Variants in HOMER2 observed in about 807,000 individuals in gnomAD.
The protein encoded by HOMER2 is homer protein homolog 2.
In HOMER2, 27 loss-of-function variants were observed where a neutral mutation model predicts 47.0. The ratio of observed to expected loss-of-function variants is 0.57; its 90% confidence interval spans 0.42 to 0.79. The LOEUF is 0.79. Among genes scored for constraint, HOMER2 ranks in the 30% least tolerant of loss-of-function variants. HOMER2 has a pLI of 0.00. For synonymous variants in HOMER2, 161 were observed against 163.8 expected (o/e 0.98, Z 0.13); for missense variants, 443 against 435.0 (o/e 1.02, Z -0.16).
intron 1 of HOMER2, among the ~76,000 whole-genome samples, chr15:82,927,838 T>C (rs1400300389): frequency 6.6e-6 from 1 of 151,860 alleles, no homozygotes; most frequent in Non-Finnish European, 1.5e-5. Context: ...GGCATAGTAG[T>C]GCATGCCTGT....
chr15:82,910,532 A>G (rs2053422381), intron 1 of HOMER2, among the ~76,000 whole-genome samples: 1 of 152,230 alleles, frequency 6.6e-6, no homozygotes, highest in South Asian at 2.1e-4. Flanking sequence ...AATGTCAGCA[A>G]GGGTTGCACA....
downstream of HOMER2, chr15:82,848,972 C>G (rs2051297833): frequency 6.6e-6 from 1 of 152,278 alleles, no homozygotes; most frequent in Non-Finnish European, 1.5e-5. Context: ...ACACTAAATT[C>G]TGTGTACACA....
At chr15:82,917,416 T>A (rs887094295) in intron 1 of HOMER2, among the ~76,000 whole-genome samples, 1 of 152,114 alleles carries the variant, frequency 6.6e-6, no homozygotes, top group Admixed American at 6.5e-5. Context: ...GCCCTTTATC[T>A]TGGGGAAATA....
At chr15:82,840,872 A>G (rs1341774983) in exon 2 of HOMER2, 1 of 152,154 alleles carries the variant, frequency 6.6e-6, no homozygotes, top group Non-Finnish European at 1.5e-5. Flanking sequence ...AGTTTCATAC[A>G]TGTTATAAAA....
At chr15:82,937,195 G>A (rs555902544) in intron 1 of HOMER2, among the ~76,000 whole-genome samples, 4 of 152,264 alleles carry the variant, frequency 2.6e-5, no homozygotes, top group African/African-American at 7.2e-5. Context: ...CCCTCCCAAC[G>A]CCAATGGGTT....
intron 1 of HOMER2, among the ~76,000 whole-genome samples, chr15:82,907,594 C>T (rs1298533333): frequency 6.6e-6 from 1 of 152,134 alleles, no homozygotes; most frequent in Non-Finnish European, 1.5e-5. Context: ...AAAATCAGTA[C>T]ATAGTTGAAC....
At chr15:82,945,749 T>C (rs1729536710) in intron 1 of HOMER2, among the ~76,000 whole-genome samples, 1 of 151,746 alleles carries the variant, frequency 6.6e-6, no homozygotes, top group Non-Finnish European at 1.5e-5. Context: ...GGCGGGCAAA[T>C]CACGAGGTCA....
At chr15:82,982,378 C>T (rs771837522) in intron 1 of HOMER2, among the ~76,000 whole-genome samples, 1 of 152,014 alleles carries the variant, frequency 6.6e-6, no homozygotes, top group Non-Finnish European at 1.5e-5. Context: ...ACATAATAAT[C>T]GATAACATAT....
Position 82,943,667 on chromosome 15 carries a change from T to C in HOMER2, c.5+8864A>G, listed in dbSNP as rs574113795. On this transcript the variant is annotated intron_variant, in intron 1 of 8. Transcript: ENST00000450735. ...CAGTGGGGTCTGCAATATTCCTCACTCATCAGGTCCCTGTGGATACCGCCC... is the reference window on the plus strand; with the variant it reads ...CAGTGGGGTCTGCAATATTCCTCACCCATCAGGTCCCTGTGGATACCGCCC... Among the ~76,000 whole-genome samples the C allele has an allele frequency of 6.9e-4, 105 of 152,350 alleles. 1 individual carries two copies. The highest frequency in any genetic ancestry group is 2.4e-3 in the African/African-American group (98 of 41,586).
At chr15:82,944,798 T>A (rs2054339530) in intron 1 of HOMER2, among the ~76,000 whole-genome samples, 1 of 152,102 alleles carries the variant, frequency 6.6e-6, no homozygotes, top group African/African-American at 2.4e-5. Context: ...TATAATGTCC[T>A]TCCTTTTGTA....
rs528123765 is a variant in HOMER2, at chr15:82,890,087, G to C, written c.162+2598C>G. Among the ~76,000 whole-genome samples, 6 of 152,308 alleles carry C rather than the reference G, an allele frequency of 3.9e-5. No individual in the cohort carries two copies. In the East Asian group the frequency reaches 1.2e-3, roughly 29 times the overall value. On this transcript the variant is annotated intron_variant, in intron 2 of 8. Transcript: ENST00000450735. The stretch of plus-strand genomic sequence containing the variant: ...CGGCAGGGCGCGTTGGCTCACACCT[G>C]TAATCCTAGCACTTTGGGAGGCCGA...
Position 82,849,634 on chromosome 15 carries a change from C to T in HOMER2, c.*81G>A. 1 of 1,256,890 alleles carries T rather than the reference C, an allele frequency of 8.0e-7. No homozygotes were observed. The highest frequency in any genetic ancestry group is 1.1e-6 in the Non-Finnish European group (1 of 912,218). 77.9% of individuals were successfully genotyped at this position (1,256,890 alleles called of 1,614,324 possible). On this transcript the variant is annotated 3_prime_UTR_variant, in exon 9 of 9. Transcript: ENST00000450735. ...TGCGCCTGCATTTACAGAAGCAATG[C>T]ACACAGAAGAACGTCCTAGAGCTAT... is the stretch of plus-strand genomic sequence containing the variant.
At chr15:82,894,529 G>C (rs1429923115) in intron 1 of HOMER2, among the ~76,000 whole-genome samples, 1 of 151,956 alleles carries the variant, frequency 6.6e-6, no homozygotes, top group East Asian at 1.9e-4. Context: ...AAATTAGCTG[G>C]GCATGGTGGC....
intron 4 of HOMER2, among the ~76,000 whole-genome samples, chr15:82,862,071 T>TC (rs1491291598): frequency 4.5e-4 from 26 of 58,044 alleles, no homozygotes; most frequent in African/African-American, 2.2e-3. Flanking sequence ...TTTCTCTCTC[T>TC]TTTTTTTTTT....
chr15:82,906,902 A>T (rs1023364975), intron 1 of HOMER2, among the ~76,000 whole-genome samples: 13 of 152,234 alleles, frequency 8.5e-5, no homozygotes, highest in African/African-American at 3.1e-4. Context: ...GTCATTACCT[A>T]ATAATAAAGG....
Position 82,952,668 on chromosome 15 carries a change from C to CGCGGGGCT in HOMER2, c.-141_-134dup. 1 of 995,256 alleles carries CGCGGGGCT rather than the reference C, an allele frequency of 1.0e-6. No homozygotes were observed. The highest frequency in any genetic ancestry group is 1.2e-6 in the Non-Finnish European group (1 of 837,788). 61.7% of individuals were successfully genotyped at this position (995,256 alleles called of 1,614,324 possible). ...GCTCAGCCCCGGCGCCGCTCCATTCCGCGGGGCTGCGCGGCTGCCACTGCT... is the reference window on the plus strand; with the variant it reads ...GCTCAGCCCCGGCGCCGCTCCATTCCGCGGGGCTGCGGGGCTGCGCGGCTGCCACTGCT... On this transcript the variant is annotated 5_prime_UTR_variant, in exon 1 of 9. Transcript: ENST00000450735.
At chr15:82,923,971 T>C (rs1786259800) in intron 1 of HOMER2, among the ~76,000 whole-genome samples, 1 of 152,086 alleles carries the variant, frequency 6.6e-6, no homozygotes, top group Non-Finnish European at 1.5e-5. Context: ...AAGACAGAGC[T>C]TGGCACCCAG....
chr15:82,862,864 G>A (rs908894842), intron 4 of HOMER2, among the ~76,000 whole-genome samples: 15 of 152,144 alleles, frequency 9.9e-5, no homozygotes, highest in Middle Eastern at 3.4e-3. Context: ...CCCAAGGGTC[G>A]GCCACAGCAC....
Position 82,864,850 on chromosome 15 carries a change from C to A in HOMER2, c.295-591G>T, listed in dbSNP as rs187689377. On this transcript the variant is annotated intron_variant, in intron 3 of 8. Coordinates refer to ENST00000450735, the MANE Select transcript of HOMER2 (RefSeq NM_004839.4). ...ATCATATCACCCATTAGCTTATTGC[C>A]ACTAACAAGGTGGCCAATTTTAATT... Among the ~76,000 whole-genome samples, 4 of 152,334 alleles carry A rather than the reference C, an allele frequency of 2.6e-5. No homozygotes were observed. The East Asian group carries it at 7.7e-4, about 29-fold the overall frequency.
Sources: allele counts gnomAD v4.1 joint callset (sites outside exome capture counted in the v4.1 genomes callset), GRCh38; gene constraint gnomAD v4.1.1; transcripts MANE v1.5; gene names NCBI Gene and HGNC (gene_info 2026-07-23, HGNC 2026-07-21).